Variants in KCMF1 observed in about 807,000 individuals in gnomAD.
KCMF1 encodes E3 ubiquitin-protein ligase KCMF1.
In KCMF1, 3 loss-of-function variants were observed where a neutral mutation model predicts 41.1. The observed-to-expected ratio is 0.07, with a 90% CI of 0.03 to 0.19. KCMF1 has a LOEUF of 0.19. KCMF1 is among the 10% of genes least tolerant of loss of function. The probability of loss-of-function intolerance (pLI) is 1.00; values close to 1 mark genes in which losing one functional copy is unlikely to be tolerated. For missense variants in KCMF1, 286 were observed against 488.9 expected (o/e 0.58, Z 3.91); for synonymous variants, 142 against 164.5 (o/e 0.86, Z 1.04).
intron 1 of KCMF1, among the ~76,000 whole-genome samples, chr2:85,004,236 G>T (rs987055357): frequency 1.3e-5 from 2 of 152,086 alleles, no homozygotes; most frequent in Non-Finnish European, 2.9e-5. Flanking sequence ...TTGGGGCGGG[G>T]CGTGGTGGCT....
chr2:85,043,780 G>A (rs902780044), intron 4 of KCMF1, 115 bp downstream of exon 4: 3 of 721,730 alleles, frequency 4.2e-6, no homozygotes, highest in East Asian at 5.4e-5. Flanking sequence ...AAACTCCTGA[G>A]CTCAAGTGAT....
intron 1 of KCMF1, among the ~76,000 whole-genome samples, chr2:85,017,585 C>T (rs1179993105): frequency 2.7e-5 from 4 of 145,772 alleles, no homozygotes; most frequent in African/African-American, 1.0e-4. Flanking sequence ...CCCCAAATCA[C>T]ATGATAGCTA....
chr2:85,037,882 A>G (rs867473952), intron 3 of KCMF1, among the ~76,000 whole-genome samples: 2 of 152,330 alleles, frequency 1.3e-5, no homozygotes, highest in Middle Eastern at 6.8e-3. Flanking sequence ...TTACCGCCTG[A>G]ACTCCACTCC....
intron 1 of KCMF1, among the ~76,000 whole-genome samples, chr2:84,984,371 G>A (rs570334737): frequency 6.6e-6 from 1 of 152,172 alleles, no homozygotes; most frequent in African/African-American, 2.4e-5. Context: ...AAAGTGCTAC[G>A]ATTACAGATG....
chr2:84,986,174 G>A (rs1231157599), intron 1 of KCMF1, among the ~76,000 whole-genome samples: 3 of 152,166 alleles, frequency 2.0e-5, no homozygotes, highest in African/African-American at 7.2e-5. Flanking sequence ...TAAGTACTAT[G>A]AGGCATTTAG....
chr2:85,052,878 C>T (rs1675840075), intron 6 of KCMF1, among the ~76,000 whole-genome samples: 1 of 152,144 alleles, frequency 6.6e-6, no homozygotes, highest in Admixed American at 6.6e-5. Flanking sequence ...ACCTAGCTTT[C>T]TCTGGAGTGG....
intron 1 of KCMF1, among the ~76,000 whole-genome samples, chr2:84,998,447 C>G (rs1303395514): frequency 6.6e-6 from 1 of 152,098 alleles, no homozygotes; most frequent in Non-Finnish European, 1.5e-5. Flanking sequence ...GAAACAAACA[C>G]TTTATAAAAT....
At chr2:84,984,068 T>C (rs1404173874) in intron 1 of KCMF1, among the ~76,000 whole-genome samples, 1 of 152,180 alleles carries the variant, frequency 6.6e-6, no homozygotes, top group African/African-American at 2.4e-5. Flanking sequence ...AGGCTTTTGC[T>C]GACCACCCTG....
chr2:85,022,886 CT>C (rs34732141), intron 1 of KCMF1, among the ~76,000 whole-genome samples: 2,299 of 111,646 alleles, frequency 0.021, 9 homozygotes, highest in South Asian at 0.06. Context: ...TGTATGTATT[CT>C]TTTTTTTTTT....
At chr2:85,036,741 A>G (rs548884947) in intron 3 of KCMF1, among the ~76,000 whole-genome samples, 34 of 151,636 alleles carry the variant, frequency 2.2e-4, no homozygotes, top group African/African-American at 8.2e-4. Flanking sequence ...GCAGTGAGCC[A>G]TGATTGTGCC....
chr2:84,976,857 TTTTTTG>T (rs1673557788), intron 1 of KCMF1, among the ~76,000 whole-genome samples: 1 of 152,022 alleles, frequency 6.6e-6, no homozygotes, highest in African/African-American at 2.4e-5. Flanking sequence ...AGTCCCAACT[TTTTTTG>T]TTTTTATTTT....
intron 1 of KCMF1, among the ~76,000 whole-genome samples, chr2:84,999,527 A>G (rs28494781): frequency 6.6e-6 from 1 of 152,352 alleles, no homozygotes; most frequent in Admixed American, 6.5e-5. Flanking sequence ...GTCTTTAACT[A>G]CATTAGAATC....
chr2:84,981,528 T>A (rs1673752963), intron 1 of KCMF1, among the ~76,000 whole-genome samples: 1 of 152,096 alleles, frequency 6.6e-6, no homozygotes, highest in Admixed American at 6.6e-5. Context: ...TCTCTTTTGC[T>A]GGTACTCAGT....
At chr2:85,051,351 G>GA (rs2104068092) in intron 6 of KCMF1, among the ~76,000 whole-genome samples, 1 of 152,194 alleles carries the variant, frequency 6.6e-6, no homozygotes, top group African/African-American at 2.4e-5. Flanking sequence ...CATTTCTACT[G>GA]AGAGTTCACA....
In KCMF1 at chr2:85,025,100, A is replaced by G. The variant is rs151185998; in HGVS notation, c.17-2789A>G. ...GGCCCTTTTTGTAACTTGCATCAAC[A>G]TTTGAGTCAGCTTACCATGCCCCAC... is the stretch of plus-strand genomic sequence containing the variant. On this transcript the variant is annotated intron_variant, in intron 1 of 6. Coordinates refer to ENST00000409785, the MANE Select transcript of KCMF1 (RefSeq NM_020122.5). 7.0e-3 allele frequency among the ~76,000 whole-genome samples: 1,064 copies of G among 152,298 alleles called. 4 individuals are homozygous for G. The highest frequency in any genetic ancestry group is 9.6e-3 in the Non-Finnish European group (653 of 68,030).
Position 85,053,290 on chromosome 2 carries a change from G to C in KCMF1, c.1027G>C (p.Glu343Gln), listed in dbSNP as rs763266015. The C allele has an allele frequency of 4.3e-6, 7 of 1,613,850 alleles. No individual in the cohort carries two copies. In the Admixed American group the frequency reaches 1.0e-4, roughly 23 times the overall value. Reference sequence around the variant, plus strand: ...ATCCTCAGATGAGGATGATCGGGGGGAGATGGCAGATTTTGGTGCTATGGG... The same window carrying C: ...ATCCTCAGATGAGGATGATCGGGGGCAGATGGCAGATTTTGGTGCTATGGG... ...SSSSDEDDRG[E>Q]MADFGAMGCV... The change falls in exon 7 of 7, where the codon GAG becomes CAG. Residue 343 changes from glutamate (E) to glutamine (Q), a missense_variant. Physicochemically the swap from Glu to Gln is conservative, Grantham distance 29. This residue lies in a region of KCMF1 where 191 missense variants were observed against 279.3 expected (regional missense o/e 0.68). Transcript: ENST00000409785.
chr2:84,994,634 C>T (rs1203792015), intron 1 of KCMF1, among the ~76,000 whole-genome samples: 1 of 150,772 alleles, frequency 6.6e-6, no homozygotes, highest in Admixed American at 6.6e-5. Flanking sequence ...AACTCCCAAC[C>T]TCAGCTGATC....
intron 1 of KCMF1, among the ~76,000 whole-genome samples, chr2:85,000,738 A>G (rs1674305051): frequency 1.3e-5 from 2 of 152,056 alleles, no homozygotes; most frequent in Non-Finnish European, 1.5e-5. Flanking sequence ...TTAAGGTTAA[A>G]AAATTGAATT....
In KCMF1 at chr2:85,054,778, C is replaced by T. The variant is rs560554547; in HGVS notation, c.*1369C>T. On this transcript the variant is annotated 3_prime_UTR_variant, in exon 7 of 7. Coordinates refer to ENST00000409785, the MANE Select transcript of KCMF1 (RefSeq NM_020122.5). ...AACTAGACTTAACCTAATCATGTCT[C>T]GTTCCAGTTCTCTTTTCTCTGAGCC... The T allele has an allele frequency of 2.0e-5, 3 of 152,272 alleles. No homozygotes were observed. The highest frequency in any genetic ancestry group is 2.1e-4 in the South Asian group (1 of 4,826). The allele number at this position is 152,272 out of a possible 1,614,324, so 9.4% of individuals were successfully genotyped here.
Sources: allele counts gnomAD v4.1 joint callset (sites outside exome capture counted in the v4.1 genomes callset), GRCh38; gene constraint gnomAD v4.1.1; regional missense constraint gnomAD v4.1.1; transcripts MANE v1.5; gene names NCBI Gene and HGNC (gene_info 2026-07-23, HGNC 2026-07-21).